NSUN4: variants seen among roughly 807,000 people sequenced by gnomAD.
NSUN4 encodes the protein 5-cytosine rRNA methyltransferase NSUN4.
Under a neutral mutation model 43.8 loss-of-function variants are expected in NSUN4, and 31 were observed. That is an observed-to-expected ratio of 0.71 (90% CI 0.53 to 0.96). The LOEUF (loss-of-function observed/expected upper bound fraction) is 0.96. NSUN4 is among the 40% of genes least tolerant of loss of function. NSUN4 has a pLI of 0.00. For missense variants in NSUN4, 439 were observed against 475.6 expected (o/e 0.92, Z 0.72); for synonymous variants, 167 against 184.1 (o/e 0.91, Z 0.75).
intron 3 of NSUN4, 98 bp from the exon 4 acceptor site, chr1:46,352,770 G>A (rs41294478): frequency 0.24 from 280,029 of 1,171,032 alleles, 36,796 homozygotes; most frequent in Non-Finnish European, 0.28. Context: ...GGTTTGCATT[G>A]GCTGGGACTA....
chr1:46,373,314 C>T, the NSUN4 span, among the ~76,000 whole-genome samples: 44,794 of 152,170 alleles, frequency 0.29, 7,291 homozygotes, highest in East Asian at 0.49. Flanking sequence ...AAAGCTGCTT[C>T]CGCATTTTCA....
chr1:46,356,768 G>T (rs10158572), intron 4 of NSUN4, among the ~76,000 whole-genome samples: 34,056 of 151,728 alleles, frequency 0.22, 4,291 homozygotes, highest in Non-Finnish European at 0.29. Flanking sequence ...TCCTTCTCCC[G>T]CTCCACTTGT....
At chr1:46,369,287 T>C (rs920212098), downstream of NSUN4, among the ~76,000 whole-genome samples, 1 of 152,190 alleles carries the variant, frequency 6.6e-6, no homozygotes, top group African/African-American at 2.4e-5. Flanking sequence ...CTGGTATTTA[T>C]TTTTGCATCC....
At chr1:46,341,784 C>G in intron 1 of NSUN4, 1 of 1,232,380 alleles carries the variant, frequency 8.1e-7, no homozygotes, top group Non-Finnish European at 1.0e-6. Context: ...GTTCAGCATT[C>G]CGGGGTCACC....
At chr1:46,373,124 C>A in the NSUN4 span, among the ~76,000 whole-genome samples, 3 of 152,172 alleles carry the variant, frequency 2.0e-5, no homozygotes, top group African/African-American at 7.2e-5. Context: ...ATATTTCTAT[C>A]AGCATTCTGG....
At chr1:46,384,304 T>A in the NSUN4 span, among the ~76,000 whole-genome samples, 1 of 152,250 alleles carries the variant, frequency 6.6e-6, no homozygotes, top group Non-Finnish European at 1.5e-5. Flanking sequence ...CAAACTTCTT[T>A]AACATGTCTT....
chr1:46,368,171 T>C (rs1664177741), downstream of NSUN4, among the ~76,000 whole-genome samples: 1 of 152,160 alleles, frequency 6.6e-6, no homozygotes, highest in Non-Finnish European at 1.5e-5. Flanking sequence ...GGCAGTAGCC[T>C]CAAAACTCAT....
chr1:46,360,247 AAAATATATAT>A lies in NSUN4; in HGVS notation c.754-455_754-446del, dbSNP rs1264695975. Among the ~76,000 whole-genome samples the A allele has an allele frequency of 1.9e-3, 44 of 23,244 alleles. 1 individual carries two copies. In the East Asian group the frequency reaches 0.033, roughly 17 times the overall value. The allele number at this position is 23,244 out of a possible 152,430, so 15.2% of individuals were successfully genotyped here. A position where few individuals can be genotyped will look rare whatever the true frequency, so the allele number is the denominator to read the frequency against. ...CCATCTCAAAAAAAAAAAAAAAAAAAAAATATATATATATATATATATATATATATGTAAA... is the reference window on the plus strand; with the variant it reads ...CCATCTCAAAAAAAAAAAAAAAAAAAATATATATATATATATATATGTAAA... On this transcript the variant is annotated intron_variant, in intron 4 of 5. Transcript: ENST00000474844.
the NSUN4 span, among the ~76,000 whole-genome samples, chr1:46,380,663 C>T: frequency 6.6e-6 from 1 of 152,138 alleles, no homozygotes; most frequent in African/African-American, 2.4e-5. Flanking sequence ...GAGATAGTCA[C>T]CAGTGTTATC....
Position 46,361,739 on chromosome 1 carries a change from G to T in NSUN4, c.1048G>T (p.Asp350Tyr). The T allele has an allele frequency of 6.2e-7, 1 of 1,614,208 alleles. No individual in the cohort carries two copies. The highest frequency in any genetic ancestry group is 8.5e-7 in the Non-Finnish European group (1 of 1,180,038). ...GACTCACTTCCGAAGGGTTTTCATG[G>T]ACACATTTTGTTTCTTCTCATCCTG... ...DLTHFRRVFM[D>Y]TFCFFSSCQV... Residue 350 changes from aspartate to tyrosine, a missense_variant, in exon 6 of 6, where the codon GAC becomes TAC. Asp to Tyr is a radical substitution (Grantham distance 160). Transcript: ENST00000474844.
rs1200307927 is a variant in NSUN4 at position 46,346,909 on chromosome 1, C to G, written c.438-12C>G. 1.2e-6 allele frequency: 2 copies of G among 1,610,738 alleles called. No individual in the cohort carries two copies. The highest frequency in any genetic ancestry group is 1.7e-6 in the Non-Finnish European group (2 of 1,178,408). ...CTGGAATTTAACAATAAAGTGGTCT[C>G]CTCTTTTCCAGACCTGGCAGCCTGG... On this transcript the variant is annotated splice_polypyrimidine_tract_variant and intron_variant, in intron 2 of 5. Coordinates refer to ENST00000474844, the MANE Select transcript of NSUN4 (RefSeq NM_199044.4).
rs1223357448 is a variant in NSUN4 at position 46,361,802 on chromosome 1, A to T, written c.1111A>T (p.Asn371Tyr). The T allele has an allele frequency of 1.2e-6, 2 of 1,614,146 alleles. No homozygotes were observed. Among genetic ancestry groups the T allele is most frequent in the Admixed American group, 3.3e-5 (2 of 60,024 alleles). The change falls in exon 6 of 6, where the codon AAT becomes TAT. Residue 371 changes from asparagine to tyrosine, a missense_variant. By Grantham distance (143) the Asn-to-Tyr change is moderately radical. Transcript: ENST00000474844. ...GELVIPNLMA[N>Y]FGPMYFCKMR... is the part of the protein sequence containing the mutation. ...GCTGGTAATACCAAACCTCATGGCCAATTTTGGCCCCATGTACTTCTGCAA... is the reference window on the plus strand; with the variant it reads ...GCTGGTAATACCAAACCTCATGGCCTATTTTGGCCCCATGTACTTCTGCAA...
chr1:46,383,487 G>A, the NSUN4 span, among the ~76,000 whole-genome samples: 2 of 135,458 alleles, frequency 1.5e-5, no homozygotes, highest in Middle Eastern at 4.1e-3. Context: ...ATGGAGTCTC[G>A]CTCTGTCGCC....
chr1:46,346,807 A>G, intron 2 of NSUN4, 114 bp from the exon 3 acceptor site: 2 of 763,490 alleles, frequency 2.6e-6, no homozygotes, highest in Non-Finnish European at 4.4e-6. Context: ...GGTCTGAAAA[A>G]TGAGTTTTTG....
chr1:46,353,295 A>G (rs1407349916), intron 4 of NSUN4, among the ~76,000 whole-genome samples: 1 of 152,228 alleles, frequency 6.6e-6, no homozygotes, highest in Non-Finnish European at 1.5e-5. Flanking sequence ...TTATTTCTCA[A>G]GTCACTTGGT....
chr1:46,371,675 C>T, the NSUN4 span, among the ~76,000 whole-genome samples: 16 of 152,204 alleles, frequency 1.1e-4, no homozygotes, highest in Admixed American at 9.8e-4. Flanking sequence ...CTCCTGACTT[C>T]GTGATCCCCC....
At chr1:46,350,591 C>T (rs188555259) in intron 3 of NSUN4, among the ~76,000 whole-genome samples, 467 of 152,294 alleles carry the variant, frequency 3.1e-3, no homozygotes, top group Admixed American at 7.0e-3. Context: ...TTCTTGAACT[C>T]ATGTCTACCA....
intron 1 of NSUN4, chr1:46,342,435 C>T (rs906402220): frequency 1.0e-5 from 4 of 399,030 alleles, no homozygotes; most frequent in Non-Finnish European, 1.8e-5. Flanking sequence ...CATACCTACC[C>T]CTGGGAGTCC....
At chr1:46,341,048 C>CGA in intron 1 of NSUN4, 129 bp downstream of exon 1, 1 of 1,109,508 alleles carries the variant, frequency 9.0e-7, no homozygotes, top group Non-Finnish European at 1.3e-6. Context: ...TAGGCACCTC[C>CGA]CTCTCTCGTC....
Sources: gnomAD v4.1 joint callset for allele counts (sites outside exome capture counted in the v4.1 genomes callset) on GRCh38, gnomAD v4.1.1 for gene constraint, MANE v1.5 for transcripts, NCBI Gene and HGNC (gene_info 2026-07-23, HGNC 2026-07-21) for gene names.